Variants in STAU2 observed in about 807,000 individuals in gnomAD.
STAU2 encodes the protein double-stranded RNA-binding protein Staufen homolog 2.
Under a neutral mutation model 65.9 loss-of-function variants are expected in STAU2, and 20 were observed. That is an observed-to-expected ratio of 0.30 (90% confidence interval 0.21 to 0.44). The LOEUF (loss-of-function observed/expected upper bound fraction) is 0.44, where lower values mean the gene tolerates loss of function less well. Ranked by LOEUF, STAU2 falls within the 20% of genes least tolerant of loss-of-function variation. The pLI, the probability that STAU2 is intolerant of heterozygous loss-of-function variation, is 1.00. For synonymous variants in STAU2, 232 were observed against 233.9 expected (o/e 0.99, Z 0.07); for missense variants, 558 against 683.9 (o/e 0.82, Z 2.05).
intron 5 of STAU2, among the ~76,000 whole-genome samples, chr8:73,686,832 T>C (rs1385869156): frequency 6.6e-6 from 1 of 151,366 alleles, no homozygotes; most frequent in Non-Finnish European, 1.5e-5. Context: ...ATTAGAACAG[T>C]AATTTACTTA....
chr8:73,559,920 G>A (rs1341081636), intron 12 of STAU2, among the ~76,000 whole-genome samples: 2 of 151,258 alleles, frequency 1.3e-5, no homozygotes, highest in Non-Finnish European at 2.9e-5. Flanking sequence ...AAACTCTTGT[G>A]GAAAACTAAA....
intron 13 of STAU2, chr8:73,550,318 A>G (rs1214128709): frequency 2.0e-6 from 2 of 983,192 alleles, no homozygotes; most frequent in South Asian, 4.7e-5. Context: ...CATGTTGACT[A>G]CAGTGAAGAT....
intron 12 of STAU2, among the ~76,000 whole-genome samples, chr8:73,561,912 T>A (rs1808259229): frequency 6.6e-6 from 1 of 152,194 alleles, no homozygotes; most frequent in Admixed American, 6.5e-5. Flanking sequence ...ACAGGTGATA[T>A]GACTGGCTTA....
intron 13 of STAU2, among the ~76,000 whole-genome samples, chr8:73,432,504 CT>C (rs1250550240): frequency 6.6e-6 from 1 of 152,114 alleles, no homozygotes; most frequent in Non-Finnish European, 1.5e-5. Context: ...CCTTTTCTTT[CT>C]TTGAAAGGTC....
At chr8:73,557,410 C>T (rs1807871220) in intron 12 of STAU2, among the ~76,000 whole-genome samples, 1 of 152,170 alleles carries the variant, frequency 6.6e-6, no homozygotes, top group Non-Finnish European at 1.5e-5. Flanking sequence ...CACTTAGGAT[C>T]TTCCTGTTGT....
intron 6 of STAU2, among the ~76,000 whole-genome samples, chr8:73,618,600 C>T (rs938924836): frequency 6.6e-6 from 1 of 152,152 alleles, no homozygotes; most frequent in Non-Finnish European, 1.5e-5. Context: ...AAATGACCAG[C>T]CACTGGAAGG....
At chr8:73,488,955 G>C (rs138567142) in intron 13 of STAU2, among the ~76,000 whole-genome samples, 2 of 151,766 alleles carry the variant, frequency 1.3e-5, no homozygotes, top group Non-Finnish European at 2.9e-5. Flanking sequence ...TAACCTAACT[G>C]TCTCTTTCCC....
chr8:73,660,921 A>C (rs1586217018), intron 6 of STAU2, among the ~76,000 whole-genome samples: 1 of 152,220 alleles, frequency 6.6e-6, no homozygotes, highest in African/African-American at 2.4e-5. Context: ...TTAATTAAGC[A>C]GATGTAAATT....
intron 1 of STAU2, among the ~76,000 whole-genome samples, chr8:73,742,590 A>G (rs371808768): frequency 6.6e-6 from 1 of 152,018 alleles, no homozygotes; most frequent in East Asian, 1.9e-4. Context: ...TTCCAGCTAC[A>G]GTTGATTCCA....
At chr8:73,541,365 GAAATA>G (rs1563410343) in intron 13 of STAU2, among the ~76,000 whole-genome samples, 26 of 152,014 alleles carry the variant, frequency 1.7e-4, no homozygotes, top group African/African-American at 5.8e-4. Context: ...TTATAAGGTA[GAAATA>G]CTGAGTAGAC....
chr8:73,606,267 T>C (rs1363674264), intron 9 of STAU2, among the ~76,000 whole-genome samples: 8 of 151,758 alleles, frequency 5.3e-5, no homozygotes, highest in Non-Finnish European at 1.2e-4. Context: ...TCTTCAAAAT[T>C]AATAACTTCT....
intron 13 of STAU2, among the ~76,000 whole-genome samples, chr8:73,519,399 T>C (rs1432304930): frequency 1.3e-5 from 2 of 152,184 alleles, no homozygotes; most frequent in Non-Finnish European, 2.9e-5. Flanking sequence ...ATTAGTGACT[T>C]GTATACTAAT....
In STAU2 at chr8:73,445,058, C is replaced by T. The variant is rs142446526; in HGVS notation, c.1531-22356G>A. 8.7e-3 allele frequency among the ~76,000 whole-genome samples: 1,324 copies of T among 152,296 alleles called. 21 individuals are homozygous for T. The highest frequency in any genetic ancestry group is 0.03 in the African/African-American group (1,254 of 41,558). On this transcript the variant is annotated intron_variant, in intron 13 of 14. Transcript: ENST00000524300. ...GCGGAGGGTTTCTAGTGAAACCCAA[C>T]CTCATGAATAAAAAGAGAGCCAAAC...
intron 3 of STAU2, among the ~76,000 whole-genome samples, chr8:73,710,888 C>G (rs1820844090): frequency 6.6e-6 from 1 of 151,878 alleles, no homozygotes; most frequent in Admixed American, 6.6e-5. Flanking sequence ...ACTTCATCTA[C>G]AAACTTCCTA....
chr8:73,739,212 G>A (rs1806655664), intron 2 of STAU2, among the ~76,000 whole-genome samples: 3 of 122,846 alleles, frequency 2.4e-5, no homozygotes, highest in East Asian at 2.3e-4. Context: ...CAGCCTAGGC[G>A]ACAGAGCGAG....
At chr8:73,728,554 T>C (rs1302883180) in intron 3 of STAU2, among the ~76,000 whole-genome samples, 2 of 151,652 alleles carry the variant, frequency 1.3e-5, no homozygotes, top group African/African-American at 2.4e-5. Flanking sequence ...CTAACGGCAA[T>C]GTAAAGTCTT....
At chr8:73,437,282 C>T (rs12550373) in intron 13 of STAU2, among the ~76,000 whole-genome samples, 49,442 of 152,076 alleles carry the variant, frequency 0.33, 9,396 homozygotes, top group Non-Finnish European at 0.42. Flanking sequence ...CAGGATTATA[C>T]AGGTGGGCCC....
At chr8:73,610,026 C>A (rs971828787) in intron 9 of STAU2, among the ~76,000 whole-genome samples, 1 of 151,936 alleles carries the variant, frequency 6.6e-6, no homozygotes, top group African/African-American at 2.4e-5. Flanking sequence ...TGCCTTTAAT[C>A]GCAGCACTTT....
At chr8:73,681,894 A>C (rs1188015419) in intron 5 of STAU2, among the ~76,000 whole-genome samples, 1 of 152,164 alleles carries the variant, frequency 6.6e-6, no homozygotes, top group Non-Finnish European at 1.5e-5. Flanking sequence ...GACATTACAT[A>C]ATGATAAACG....
Sources: allele counts gnomAD v4.1 joint callset (sites outside exome capture counted in the v4.1 genomes callset), GRCh38; gene constraint gnomAD v4.1.1; transcripts MANE v1.5; gene names NCBI Gene and HGNC (gene_info 2026-07-23, HGNC 2026-07-21).